Variants in SAYSD1 observed in about 807,000 individuals in gnomAD.
SAYSD1 encodes the protein SAYSVFN motif domain containing 1, also known as SAYSvFN domain-containing protein 1.
Under a neutral mutation model 14.5 loss-of-function variants are expected in SAYSD1, and 15 were observed. The observed-to-expected ratio is 1.03, with a 90% CI of 0.69 to 1.59. The LOEUF is 1.59. Among genes scored for constraint, SAYSD1 ranks in the 40% most tolerant of loss-of-function variants. The pLI is 0.00. For missense variants in SAYSD1, 247 were observed against 227.3 expected (o/e 1.09, Z -0.56); for synonymous variants, 105 against 102.6 (o/e 1.02, Z -0.14).
At chr6:39,112,139 G>C (rs972422816) in intron 1 of SAYSD1, 10 of 152,080 alleles carry the variant, frequency 6.6e-5, no homozygotes, top group African/African-American at 2.4e-4. Flanking sequence ...CCTTTATTGT[G>C]TATGTAAGTA....
chr6:39,105,614 C>T lies in SAYSD1; in HGVS notation c.370G>A (p.Ala124Thr). 1.9e-6 allele frequency: 3 copies of T among 1,614,184 alleles called. No individual in the cohort carries two copies. Among genetic ancestry groups the T allele is most frequent in the Non-Finnish European group, 2.5e-6 (3 of 1,180,030 alleles). The change falls in exon 2 of 2, where the codon GCA (alanine) becomes ACA (threonine). Residue 124 changes from alanine (A) to threonine (T), a missense_variant. Transcript: ENST00000229903. The part of the protein sequence containing the change: ...GLFVELEFGL[A>T]YFVLSLFYWM... The stretch of plus-strand genomic sequence containing the variant: ...TAGAACAAGGACAGGACAAAATATG[C>T]CAGGCCAAATTCCAGTTCCACAAAC...
At chr6:39,112,127 T>A (rs963276090) in intron 1 of SAYSD1, 1 of 152,146 alleles carries the variant, frequency 6.6e-6, no homozygotes, top group Non-Finnish European at 1.5e-5. Flanking sequence ...AGAGAGATAT[T>A]GCCTTTATTG....
rs905416613 is a variant in SAYSD1, at chr6:39,105,757, C to T, written c.227G>A (p.Gly76Asp). 2 of 1,613,794 alleles carry T rather than the reference C, an allele frequency of 1.2e-6. No homozygotes were observed. The highest frequency in any genetic ancestry group is 1.7e-6 in the Non-Finnish European group (2 of 1,179,760). The change falls in exon 2 of 2, where the codon GGC becomes GAC. Residue 76 changes from glycine to aspartate, a missense_variant. By Grantham distance (94) the Gly-to-Asp change is moderately conservative. Coordinates refer to ENST00000229903, the MANE Select transcript of SAYSD1 (RefSeq NM_018322.3). ...GLVQEAAQPQ[G>D]STSETPWNTA... The stretch of plus-strand genomic sequence containing the variant: ...GTTCCATGGTGTCTCTGATGTGCTG[C>T]CCTGGGGCTGAGCCGCTTCCTAGGA...
intron 1 of SAYSD1, among the ~76,000 whole-genome samples, chr6:39,106,486 C>T (rs1404749281): frequency 1.3e-5 from 2 of 152,150 alleles, no homozygotes; most frequent in Non-Finnish European, 2.9e-5. Flanking sequence ...GAGATTGCAC[C>T]ACCACACTCT....
chr6:39,107,327 G>A (rs1769524493), intron 1 of SAYSD1, among the ~76,000 whole-genome samples: 2 of 152,130 alleles, frequency 1.3e-5, no homozygotes, highest in South Asian at 4.1e-4. Flanking sequence ...CATCAGGGAG[G>A]GTGCCCCCTC....
Position 39,114,894 on chromosome 6 carries a change from C to G in SAYSD1, c.196G>C (p.Gly66Arg). ...TTCCATCGTCTCACCTGAACTAGGC[C>G]GGGCTGGGCCCGGGCACTCGCGGGC... ...PRPASARAQP[G>R]LVQEAAQPQG... Residue 66 changes from glycine (G) to arginine (R), a missense_variant, in exon 1 of 2, where the codon GGC (glycine) becomes CGC (arginine). Coordinates refer to ENST00000229903, the MANE Select transcript of SAYSD1 (RefSeq NM_018322.3). 6.2e-7 allele frequency: 1 copy of G among 1,612,406 alleles called. No homozygotes were observed. Among genetic ancestry groups the G allele is most frequent in the South Asian group, 1.1e-5 (1 of 91,038 alleles).
chr6:39,114,250 C>A (rs1275599980), intron 1 of SAYSD1, among the ~76,000 whole-genome samples: 1 of 152,230 alleles, frequency 6.6e-6, no homozygotes, highest in East Asian at 1.9e-4. Flanking sequence ...TTAAATTCAT[C>A]TGCAAAACAA....
intron 1 of SAYSD1, among the ~76,000 whole-genome samples, chr6:39,106,975 C>G (rs1448661218): frequency 6.6e-6 from 1 of 152,206 alleles, no homozygotes; most frequent in Non-Finnish European, 1.5e-5. Flanking sequence ...TACATATATG[C>G]AACAAAGTTT....
Position 39,114,984 on chromosome 6 carries a change from C to G in SAYSD1, c.106G>C (p.Glu36Gln), listed in dbSNP as rs961939456. Reference sequence around the variant, plus strand: ...GCTGCCTTTAGAGTCGCTGCTGCTTCCGCCTTCTCTCCTGGGGTTTGTGCG... The same window carrying G: ...GCTGCCTTTAGAGTCGCTGCTGCTTGCGCCTTCTCTCCTGGGGTTTGTGCG... ...QGAQTPGEKA[E>Q]AAATLKAAPG... is the part of the protein sequence containing the mutation. Residue 36 changes from glutamate (E) to glutamine (Q), a missense_variant, in exon 1 of 2, where the codon GAA (glutamate) becomes CAA (glutamine). By Grantham distance (29) the Glu-to-Gln change is conservative. Coordinates refer to ENST00000229903, the MANE Select transcript of SAYSD1 (RefSeq NM_018322.3). The G allele has an allele frequency of 5.0e-6, 8 of 1,613,952 alleles. No individual in the cohort carries two copies. The highest frequency in any genetic ancestry group is 6.8e-6 in the Non-Finnish European group (8 of 1,179,918).
chr6:39,104,974 A>G lies in SAYSD1; in HGVS notation c.*458T>C, dbSNP rs909985441. The G allele has an allele frequency of 2.6e-5, 4 of 154,426 alleles. No homozygotes were observed. The highest frequency in any genetic ancestry group is 5.7e-5 in the Non-Finnish European group (4 of 69,712). The allele number at this position is 154,426 out of a possible 1,614,324, so 9.6% of individuals were successfully genotyped here. The stretch of plus-strand genomic sequence containing the variant: ...TAAAGCAGGAAGCAAAACAAAAACA[A>G]ACAAGAAACCCAAAACTTGCAACCT... On this transcript the variant is annotated 3_prime_UTR_variant, in exon 2 of 2. Transcript: ENST00000229903.
intron 1 of SAYSD1, chr6:39,113,661 C>A (rs2113741579): frequency 6.6e-6 from 1 of 152,636 alleles, no homozygotes; most frequent in East Asian, 1.9e-4. Flanking sequence ...TGATCTCATT[C>A]CTTTGGAAAT....
Position 39,115,142 on chromosome 6 carries a change from C to A in SAYSD1, c.-53G>T. The A allele has an allele frequency of 6.5e-7, 1 of 1,528,740 alleles. No homozygotes were observed. The highest frequency in any genetic ancestry group is 1.2e-5 in the South Asian group (1 of 83,774). 94.7% of individuals were successfully genotyped at this position (1,528,740 alleles called of 1,614,324 possible). A position where few individuals can be genotyped will look rare whatever the true frequency, so the allele number is the denominator to read the frequency against. ...TAAGGGAGCGCGCGCCCGCAGGCCG[C>A]ACAGCAGTTGCCTCCGCTCGGCCCG... On this transcript the variant is annotated 5_prime_UTR_variant, in exon 1 of 2. Coordinates refer to ENST00000229903, the MANE Select transcript of SAYSD1 (RefSeq NM_018322.3).
intron 1 of SAYSD1, 76 bp downstream of exon 1, chr6:39,114,807 C>A: frequency 2.7e-6 from 4 of 1,472,600 alleles, no homozygotes; most frequent in African/African-American, 1.4e-5. Flanking sequence ...TAGGGCCACA[C>A]CCCCGGCAGC....
chr6:39,106,145 T>A (rs1769498476), intron 1 of SAYSD1, among the ~76,000 whole-genome samples: 1 of 152,020 alleles, frequency 6.6e-6, no homozygotes, highest in Non-Finnish European at 1.5e-5. Context: ...AAATACAGAG[T>A]CAATATACCT....
chr6:39,114,104 G>A (rs538893613), intron 1 of SAYSD1, among the ~76,000 whole-genome samples: 88 of 152,130 alleles, frequency 5.8e-4, no homozygotes, highest in Non-Finnish European at 1.1e-3. Context: ...ACAAAGCACT[G>A]GGCACAAATT....
chr6:39,109,186 C>A, intron 1 of SAYSD1: 1 of 903,590 alleles, frequency 1.1e-6, no homozygotes, highest in South Asian at 1.4e-5. Context: ...TGAGCCAAGG[C>A]CTGGAGGTCA....
In SAYSD1 at chr6:39,115,032, G is replaced by A; in HGVS notation, c.58C>T (p.Gln20Ter). 6.2e-7 allele frequency: 1 copy of A among 1,612,724 alleles called. No homozygotes were observed. Among genetic ancestry groups the A allele is most frequent in the East Asian group, 2.2e-5 (1 of 44,866 alleles). Reference sequence around the variant, plus strand: ...GCGCCCTGACTGGCAGCAGGGGGTTGGGCCGCCAGACCCGCCCGTTTCCGC... The same window carrying A: ...GCGCCCTGACTGGCAGCAGGGGGTTAGGCCGCCAGACCCGCCCGTTTCCGC... ...AARKRAGLAA[Q>*]PPAASQGAQT... The change falls in exon 1 of 2, where the codon CAA becomes TAA. Residue 20 changes from glutamine (Q) to a stop codon, truncating the protein, a stop_gained. Transcript: ENST00000229903. LOFTEE classifies it high-confidence loss of function.
At chr6:39,108,891 C>T (rs1769568297) in intron 1 of SAYSD1, among the ~76,000 whole-genome samples, 1 of 152,118 alleles carries the variant, frequency 6.6e-6, no homozygotes, top group Admixed American at 6.5e-5. Context: ...TTTTTTCTTT[C>T]ATAGCATTTA....
At position 39,115,017 on chromosome 6, in the gene SAYSD1, T is replaced by G. The variant is rs1490975373; in HGVS notation, c.73A>C (p.Ser25Arg). 2.0e-5 allele frequency: 32 copies of G among 1,613,322 alleles called. No individual in the cohort carries two copies. Among genetic ancestry groups the G allele is most frequent in the Non-Finnish European group, 2.4e-5 (28 of 1,179,884 alleles). The change falls in exon 1 of 2, where the codon AGT (serine) becomes CGT (arginine). Residue 25 changes from serine to arginine, a missense_variant. Transcript: ENST00000229903. ...AGLAAQPPAA[S>R]QGAQTPGEKA... ...TCTCCTGGGGTTTGTGCGCCCTGAC[T>G]GGCAGCAGGGGGTTGGGCCGCCAGA...
Sources: allele counts gnomAD v4.1 joint callset (sites outside exome capture counted in the v4.1 genomes callset), GRCh38; gene constraint gnomAD v4.1.1; transcripts MANE v1.5; gene names NCBI Gene and HGNC (gene_info 2026-07-23, HGNC 2026-07-21).